Variants in SPATA9 observed in about 807,000 individuals in gnomAD.
The protein encoded by SPATA9 is spermatogenesis-associated protein 9.
Under a neutral mutation model 25.5 loss-of-function variants are expected in SPATA9, and 27 were observed. That is an observed-to-expected ratio of 1.06 (90% CI 0.78 to 1.46). SPATA9 has a LOEUF of 1.46. Among genes scored for constraint, SPATA9 ranks in the 40% most tolerant of loss-of-function variants. SPATA9 has a pLI of 0.00. For missense variants in SPATA9, 282 were observed against 297.5 expected, an observed-to-expected ratio of 0.95 and a Z score of 0.38; for synonymous variants, 102 against 105.7, an observed-to-expected ratio of 0.97 and a Z score of 0.21.
At chr5:95,705,456 A>T in the SPATA9 span, among the ~76,000 whole-genome samples, 5 of 152,230 alleles carry the variant, frequency 3.3e-5, no homozygotes, top group African/African-American at 1.2e-4. Context: ...CCATTTAAAA[A>T]TATATTAATG....
upstream of SPATA9, among the ~76,000 whole-genome samples, chr5:95,683,829 G>A (rs936423306): frequency 4.6e-5 from 7 of 152,140 alleles, no homozygotes; most frequent in African/African-American, 1.2e-4. Flanking sequence ...GAGCCACCAC[G>A]CCCGGCCGAC....
downstream of SPATA9, chr5:95,655,865 A>G: frequency 1.7e-6 from 1 of 575,196 alleles, no homozygotes; most frequent in East Asian, 2.9e-5. Context: ...AATCAACTGT[A>G]AAAGAGCTTG....
At chr5:95,671,719 G>C (rs1169946083) in intron 3 of SPATA9, among the ~76,000 whole-genome samples, 1 of 151,920 alleles carries the variant, frequency 6.6e-6, no homozygotes, top group Non-Finnish European at 1.5e-5. Context: ...GCTATTTGTT[G>C]AATAAATAAA....
At chr5:95,654,242 A>G (rs1421576878), downstream of SPATA9, 1 of 1,611,138 alleles carries the variant, frequency 6.2e-7, no homozygotes, top group Non-Finnish European at 8.5e-7. Flanking sequence ...TTACCGTAAG[A>G]TTTTATTTTT....
the SPATA9 span, among the ~76,000 whole-genome samples, chr5:95,719,246 G>C: frequency 6.6e-6 from 1 of 152,096 alleles, no homozygotes; most frequent in South Asian, 2.1e-4. Context: ...AGAGACAGAC[G>C]GGAGTATAGT....
the SPATA9 span, among the ~76,000 whole-genome samples, chr5:95,705,559 A>G: frequency 6.6e-6 from 1 of 152,188 alleles, no homozygotes; most frequent in Non-Finnish European, 1.5e-5. Context: ...AAATTCAGTA[A>G]AGGTCAGCTG....
the SPATA9 span, among the ~76,000 whole-genome samples, chr5:95,724,863 C>T: frequency 6.6e-6 from 1 of 152,104 alleles, no homozygotes; most frequent in East Asian, 1.9e-4. Context: ...TAATGTAATG[C>T]CTGGTACATG....
chr5:95,717,448 A>G, the SPATA9 span: 1 of 152,228 alleles, frequency 6.6e-6, no homozygotes, highest in East Asian at 1.9e-4. Context: ...TATTTACATT[A>G]TATACATGTA....
the SPATA9 span, among the ~76,000 whole-genome samples, chr5:95,727,906 G>A: frequency 0.021 from 3,258 of 152,264 alleles, 52 homozygotes; most frequent in Non-Finnish European, 0.033. Flanking sequence ...CATTCTGTGA[G>A]GAGGCTCTGC....
At chr5:95,700,533 C>T (rs111408031), upstream of SPATA9, among the ~76,000 whole-genome samples, 42 of 152,134 alleles carry the variant, frequency 2.8e-4, 3 homozygotes, top group African/African-American at 9.9e-4. Context: ...CTCCTGACCT[C>T]GTGATATGCC....
At chr5:95,730,165 A>G in the SPATA9 span, among the ~76,000 whole-genome samples, 3 of 152,152 alleles carry the variant, frequency 2.0e-5, no homozygotes, top group Non-Finnish European at 2.9e-5. Context: ...ACTACTTTCA[A>G]CCGAGCAATA....
chr5:95,708,502 C>A, the SPATA9 span: 5 of 691,116 alleles, frequency 7.2e-6, no homozygotes, highest in Non-Finnish European at 7.9e-6. Flanking sequence ...TCTGGTTGAT[C>A]CCCCAAAGTA....
rs1753874688 is a variant in SPATA9 at position 95,691,028 on chromosome 5, T to C, written n.124+7560A>G. On this transcript the variant is annotated intron_variant and non_coding_transcript_variant, in intron 1 of 2. Transcript: ENST00000379990. ...CTGTTTCTTTTCTTTAAAAATTCAT[T>C]TATTGGTGAAACCCCATCTCTACTA... Among the ~76,000 whole-genome samples, 3 of 152,022 alleles carry C rather than the reference T, an allele frequency of 2.0e-5. No homozygotes were observed. The South Asian group carries it at 6.2e-4, about 31-fold the overall frequency.
chr5:95,730,805 G>A, the SPATA9 span: 1 of 439,738 alleles, frequency 2.3e-6, no homozygotes, highest in East Asian at 7.6e-5. Context: ...TCTTTCTGCA[G>A]CAGCATGAAT....
chr5:95,732,057 G>A, the SPATA9 span: 1 of 1,614,234 alleles, frequency 6.2e-7, no homozygotes, highest in South Asian at 1.1e-5. Flanking sequence ...GGAATGTCAA[G>A]CTGGTGGTCC....
intron 2 of SPATA9, among the ~76,000 whole-genome samples, chr5:95,678,572 A>G (rs1346380072): frequency 6.6e-6 from 1 of 152,134 alleles, no homozygotes; most frequent in Non-Finnish European, 1.5e-5. Context: ...CTTTTCGTAA[A>G]TAAATACATG....
At chr5:95,657,436 G>A (rs1580273580), downstream of SPATA9, 2 of 151,876 alleles carry the variant, frequency 1.3e-5, no homozygotes, top group East Asian at 3.9e-4. Flanking sequence ...CACTATGTGG[G>A]ACCAGAAATA....
At chr5:95,659,365 A>C (rs1237254830) in intron 4 of SPATA9, 1 of 155,928 alleles carries the variant, frequency 6.4e-6, no homozygotes, top group Non-Finnish European at 1.4e-5. Context: ...GTAAGCTACT[A>C]TCAGTGGTTT....
intron 4 of SPATA9, among the ~76,000 whole-genome samples, chr5:95,663,256 A>G (rs892955632): frequency 6.6e-5 from 10 of 152,322 alleles, no homozygotes; most frequent in Admixed American, 5.2e-4. Context: ...AAAGACAAAC[A>G]CAAAAGAATA....
Sources: allele counts gnomAD v4.1 joint callset (sites outside exome capture counted in the v4.1 genomes callset), GRCh38; gene constraint gnomAD v4.1.1; transcripts MANE v1.5; gene names NCBI Gene and HGNC (gene_info 2026-07-23, HGNC 2026-07-21).